ATL3: variants seen among roughly 807,000 people sequenced by gnomAD.
The protein encoded by ATL3 is atlastin GTPase 3.
In ATL3, 49 loss-of-function variants were observed where a neutral mutation model predicts 69.5. That is an observed-to-expected ratio of 0.71 (90% CI 0.56 to 0.89). The LOEUF (loss-of-function observed/expected upper bound fraction) is 0.89. Ranked by LOEUF, ATL3 falls within the 40% of genes least tolerant of loss-of-function variation. ATL3 has a pLI of 0.00. For synonymous variants in ATL3, 214 were observed against 224.1 expected, an observed-to-expected ratio of 0.95 and a Z score of 0.40; for missense variants, 606 against 645.7, an observed-to-expected ratio of 0.94 and a Z score of 0.67.
At position 63,628,206 on chromosome 11, in the gene ATL3, T is replaced by C. The variant is rs1012891157; in HGVS notation, c.*1113A>G. ...AAGTGACTTATCAGAGGTCACATGGTTCATTTAAACTTAGCTTTTTTCTTG... is the reference window on the plus strand; with the variant it reads ...AAGTGACTTATCAGAGGTCACATGGCTCATTTAAACTTAGCTTTTTTCTTG... On this transcript the variant is annotated 3_prime_UTR_variant, in exon 13 of 13. Coordinates refer to ENST00000398868, the MANE Select transcript of ATL3 (RefSeq NM_015459.5). 4 of 152,176 alleles carry C rather than the reference T, an allele frequency of 2.6e-5. No individual in the cohort carries two copies. Among genetic ancestry groups the C allele is most frequent in the African/African-American group, 4.8e-5 (2 of 41,438 alleles). 9.4% of individuals were successfully genotyped at this position (152,176 alleles called of 1,614,324 possible).
rs781027718 is a variant in ATL3 at position 63,631,439 on chromosome 11, T to C, written c.1140A>G (p.Pro380=). ...VCGGEKPYLS[P]DILEEKHCEF... is the part of the protein sequence containing the mutation. ...CACAGTGCTTCTCCTCTAGAATGTCTGGAGACAAATAAGGTTTCTCTCCCC... is the reference window on the plus strand; with the variant it reads ...CACAGTGCTTCTCCTCTAGAATGTCCGGAGACAAATAAGGTTTCTCTCCCC... Residue 380 remains proline, a synonymous_variant, in exon 12 of 13, where the codon CCA becomes CCG. Transcript: ENST00000398868. The C allele has an allele frequency of 2.4e-5, 38 of 1,612,016 alleles. No homozygotes were observed. Among genetic ancestry groups the C allele is most frequent in the Non-Finnish European group, 3.2e-5 (38 of 1,178,912 alleles).
chr11:63,636,482 T>C, intron 8 of ATL3, 148 bp from the exon 9 acceptor site: 3 of 1,087,828 alleles, frequency 2.8e-6, no homozygotes, highest in Non-Finnish European at 3.9e-6. Context: ...CTCACGCCTA[T>C]AATCCTAGCA....
chr11:63,631,720 G>T (rs1195838908), intron 11 of ATL3, among the ~76,000 whole-genome samples: 1 of 152,166 alleles, frequency 6.6e-6, no homozygotes. Context: ...GGTGGCTCAC[G>T]CCTGTAATCC....
chr11:63,631,869 C>G (rs780656341), intron 11 of ATL3, among the ~76,000 whole-genome samples: 8 of 152,188 alleles, frequency 5.3e-5, no homozygotes, highest in Non-Finnish European at 1.0e-4. Flanking sequence ...GTAATCCCAG[C>G]TACTCAGAAG....
intron 1 of ATL3, among the ~76,000 whole-genome samples, chr11:63,662,274 AT>A (rs1226937216): frequency 2.6e-5 from 4 of 152,026 alleles, no homozygotes; most frequent in Non-Finnish European, 5.9e-5. Context: ...CTGTGGACTT[AT>A]GGGAAGTTCA....
intron 12 of ATL3, among the ~76,000 whole-genome samples, chr11:63,629,764 CTG>C (rs1939243743): frequency 6.6e-6 from 1 of 152,200 alleles, no homozygotes; most frequent in South Asian, 2.1e-4. Flanking sequence ...TGGCACTCGC[CTG>C]TAACACCGGC....
At chr11:63,671,050 C>G (rs1233028734) in intron 1 of ATL3, among the ~76,000 whole-genome samples, 3 of 152,134 alleles carry the variant, frequency 2.0e-5, no homozygotes, top group Admixed American at 6.5e-5. Flanking sequence ...GGCCCGAGCC[C>G]TGACGGCGGC....
At chr11:63,648,551 C>G (rs951911770) in intron 5 of ATL3, among the ~76,000 whole-genome samples, 1 of 152,046 alleles carries the variant, frequency 6.6e-6, no homozygotes, top group Non-Finnish European at 1.5e-5. Context: ...GCTGGCCGCT[C>G]TAATCCCAGC....
chr11:63,670,356 C>G (rs1379197047), intron 1 of ATL3: 1 of 152,206 alleles, frequency 6.6e-6, no homozygotes, highest in Non-Finnish European at 1.5e-5. Context: ...TGAAATCGTA[C>G]ATTTTTGGTC....
intron 1 of ATL3, among the ~76,000 whole-genome samples, chr11:63,666,749 G>A (rs906344684): frequency 1.3e-5 from 2 of 152,098 alleles, no homozygotes; most frequent in African/African-American, 4.8e-5. Context: ...TCTAGTCTCC[G>A]GGGAGGGTAC....
intron 10 of ATL3, among the ~76,000 whole-genome samples, chr11:63,633,326 T>C (rs1369096309): frequency 6.6e-6 from 1 of 152,172 alleles, no homozygotes; most frequent in African/African-American, 2.4e-5. Flanking sequence ...TTCTTATACA[T>C]AAGAATCTTT....
chr11:63,663,757 G>A (rs1940492044), intron 1 of ATL3, among the ~76,000 whole-genome samples: 1 of 152,212 alleles, frequency 6.6e-6, no homozygotes, highest in Non-Finnish European at 1.5e-5. Context: ...TTGTGGCAGA[G>A]ATGTCTGGTT....
chr11:63,628,955 T>A lies in ATL3; in HGVS notation c.*364A>T, dbSNP rs531379094. On this transcript the variant is annotated 3_prime_UTR_variant, in exon 13 of 13. Coordinates refer to ENST00000398868, the MANE Select transcript of ATL3 (RefSeq NM_015459.5). ...TATCCTCCATCCCCTCCCCATCGTG[T>A]GTGCAAAACCATGGAATCAATCTTA... The A allele has an allele frequency of 4.4e-4, 85 of 194,060 alleles. No individual in the cohort carries two copies. Among genetic ancestry groups the A allele is most frequent in the Middle Eastern group, 2.2e-3 (1 of 450 alleles). 12.0% of individuals were successfully genotyped at this position (194,060 alleles called of 1,614,324 possible).
chr11:63,670,703 G>A (rs1440378950), intron 1 of ATL3, among the ~76,000 whole-genome samples: 4 of 152,228 alleles, frequency 2.6e-5, no homozygotes, highest in Non-Finnish European at 1.5e-5. Flanking sequence ...AGTATGGGTT[G>A]AAAACCAACT....
At chr11:63,669,216 T>G (rs758663883) in intron 1 of ATL3, among the ~76,000 whole-genome samples, 1 of 152,036 alleles carries the variant, frequency 6.6e-6, no homozygotes, top group Non-Finnish European at 1.5e-5. Flanking sequence ...GTGAAATATA[T>G]CTAAGGTGTT....
intron 8 of ATL3, among the ~76,000 whole-genome samples, chr11:63,641,329 G>A (rs1939694886): frequency 6.6e-6 from 1 of 152,140 alleles, no homozygotes; most frequent in African/African-American, 2.4e-5. Context: ...CTACATATAT[G>A]TATAGTGAGT....
intron 1 of ATL3, among the ~76,000 whole-genome samples, chr11:63,667,391 G>A (rs998740151): frequency 3.3e-5 from 5 of 151,492 alleles, no homozygotes; most frequent in African/African-American, 9.7e-5. Context: ...GAGCAGTGGC[G>A]TCATTCCTGC....
chr11:63,649,210 T>C (rs2134501624), intron 5 of ATL3, among the ~76,000 whole-genome samples: 1 of 152,314 alleles, frequency 6.6e-6, no homozygotes, highest in African/African-American at 2.4e-5. Flanking sequence ...ACATGAAGCT[T>C]TTTATAGGCT....
Position 63,633,043 on chromosome 11 carries a change from A to G in ATL3, c.1090T>C (p.Tyr364His). Residue 364 changes from tyrosine to histidine, a missense_variant, in exon 11 of 13, where the codon TAT (tyrosine) becomes CAT (histidine). By Grantham distance (83) the Tyr-to-His change is moderately conservative. Transcript: ENST00000398868. ...CCACGTACCTCTTCCATGTTGTTATAATAAATGTCCTTGGCAGAGGCTGCA... is the reference window on the plus strand; with the variant it reads ...CCACGTACCTCTTCCATGTTGTTATGATAAATGTCCTTGGCAGAGGCTGCA... Reference protein sequence around the residue: ...AAAASAKDIYYNNMEEVCGGE... With the variant: ...AAAASAKDIYHNNMEEVCGGE... 1 of 1,614,146 alleles carries G rather than the reference A, an allele frequency of 6.2e-7. No individual in the cohort carries two copies. Among genetic ancestry groups the G allele is most frequent in the South Asian group, 1.1e-5 (1 of 91,084 alleles).
Sources: gnomAD v4.1 joint callset for allele counts (sites outside exome capture counted in the v4.1 genomes callset) on GRCh38, gnomAD v4.1.1 for gene constraint, MANE v1.5 for transcripts, NCBI Gene and HGNC (gene_info 2026-07-23, HGNC 2026-07-21) for gene names.